Variants in PTPN3 observed in about 807,000 individuals in gnomAD.
The protein encoded by PTPN3 is tyrosine-protein phosphatase non-receptor type 3.
Under a neutral mutation model 132.7 loss-of-function variants are expected in PTPN3, and 96 were observed. The ratio of observed to expected loss-of-function variants is 0.72; its 90% CI spans 0.61 to 0.86. The LOEUF is 0.86. Among genes scored for constraint, PTPN3 ranks in the 40% least tolerant of loss-of-function variants. The probability of loss-of-function intolerance (pLI) is 0.00; values close to 1 mark genes in which losing one functional copy is unlikely to be tolerated. For synonymous variants in PTPN3, 398 were observed against 429.0 expected (o/e 0.93, Z 0.89); for missense variants, 1,125 against 1,159.6 (o/e 0.97, Z 0.43).
At chr9:109,532,125 C>A in the PTPN3 span, among the ~76,000 whole-genome samples, 2 of 152,258 alleles carry the variant, frequency 1.3e-5, no homozygotes, top group South Asian at 2.1e-4. Context: ...ACCAAATGTT[C>A]CGATCTTAGC....
In PTPN3 at chr9:109,383,429, G is replaced by A. The variant is rs536407222; in HGVS notation, c.2376C>T (p.Asn792=). ...CCCTCAGGCTGCGGCTCACCTGGGT[G>A]TTTGTGACCAGCATTTCTCGGGACA... ...AYVSREMLVT[N]TQTGEEHTVT... is the part of the protein sequence containing the mutation. The change falls in exon 23 of 26, where the codon AAC becomes AAT. Residue 792 remains asparagine (N), a synonymous_variant. Coordinates refer to ENST00000374541, the MANE Select transcript of PTPN3 (RefSeq NM_002829.4). 4 of 1,613,966 alleles carry A rather than the reference G, an allele frequency of 2.5e-6. No individual in the cohort carries two copies. In the Admixed American group the frequency reaches 6.7e-5, roughly 27 times the overall value.
chr9:109,406,581 T>A lies in PTPN3; in HGVS notation c.1673A>T (p.Gln558Leu). Residue 558 changes from glutamine (Q) to leucine (L), a missense_variant, in exon 18 of 26, where the codon CAA becomes CTA. Gln to Leu is a moderately radical substitution (Grantham distance 113). Coordinates refer to ENST00000374541, the MANE Select transcript of PTPN3 (RefSeq NM_002829.4). ...TCIPKLNEGD[Q>L]IVLINGRDIS... ...GTCCCGGCCATTGATTAACACGATT[T>A]GATCCCCTTCGTTCAGCTTAGGAAT... 2 of 1,614,196 alleles carry A rather than the reference T, an allele frequency of 1.2e-6. No homozygotes were observed. Among genetic ancestry groups the A allele is most frequent in the Non-Finnish European group, 1.7e-6 (2 of 1,180,026 alleles).
At chr9:109,448,388 A>G (rs1432040693) in intron 6 of PTPN3, among the ~76,000 whole-genome samples, 2 of 152,186 alleles carry the variant, frequency 1.3e-5, no homozygotes, top group Admixed American at 1.3e-4. Context: ...TGGTAACACA[A>G]GAAGCACTGA....
intron 19 of PTPN3, among the ~76,000 whole-genome samples, chr9:109,400,054 A>C (rs1478224584): frequency 6.6e-6 from 1 of 151,316 alleles, no homozygotes; most frequent in African/African-American, 2.4e-5. Context: ...CAATCTCCCG[A>C]GTAGCTGGGA....
intron 1 of PTPN3, among the ~76,000 whole-genome samples, chr9:109,474,834 C>T (rs1426355925): frequency 6.6e-6 from 1 of 152,088 alleles, no homozygotes; most frequent in Non-Finnish European, 1.5e-5. Flanking sequence ...GTGGGGGGAC[C>T]TCAGCTTCAT....
At chr9:109,408,925 C>CCCTGTGAGCGCATCTGG (rs1024305342) in intron 16 of PTPN3, among the ~76,000 whole-genome samples, 3 of 150,248 alleles carry the variant, frequency 2.0e-5, no homozygotes, top group African/African-American at 4.9e-5. Flanking sequence ...AGGGGGCACA[C>CCCTGTGAGCGCATCTGG]CCTGTGAGCG....
chr9:109,436,224 T>C (rs1844039666), intron 9 of PTPN3, among the ~76,000 whole-genome samples: 1 of 152,236 alleles, frequency 6.6e-6, no homozygotes, highest in Non-Finnish European at 1.5e-5. Context: ...AGATGCTAAT[T>C]AGACAGTGAG....
At chr9:109,403,302 T>G (rs753073611) in intron 19 of PTPN3, among the ~76,000 whole-genome samples, 1 of 152,262 alleles carries the variant, frequency 6.6e-6, no homozygotes, top group Non-Finnish European at 1.5e-5. Context: ...TCAATTACTC[T>G]GCAGTCACAC....
chr9:109,500,151 T>C (rs1237152581), upstream of PTPN3, among the ~76,000 whole-genome samples: 3 of 152,190 alleles, frequency 2.0e-5, no homozygotes, highest in African/African-American at 7.2e-5. Context: ...TTGAGTGAAA[T>C]AAGGAACGTG....
chr9:109,484,087 C>T (rs748032826), intron 1 of PTPN3, among the ~76,000 whole-genome samples: 4 of 152,214 alleles, frequency 2.6e-5, no homozygotes, highest in Admixed American at 6.5e-5. Context: ...TTGACATCTA[C>T]GCAGTGAACT....
At chr9:109,443,835 G>A (rs565853957) in intron 7 of PTPN3, among the ~76,000 whole-genome samples, 8 of 152,292 alleles carry the variant, frequency 5.3e-5, no homozygotes, top group South Asian at 2.1e-4. Context: ...TGCAGGTATC[G>A]ATGGAGAGAC....
At chr9:109,469,575 C>T (rs1002532775) in intron 1 of PTPN3, among the ~76,000 whole-genome samples, 11 of 152,172 alleles carry the variant, frequency 7.2e-5, no homozygotes, top group Admixed American at 4.6e-4. Context: ...GCCAAGATCG[C>T]GCCATTGCAC....
Position 109,410,521 on chromosome 9 carries a change from G to A in PTPN3, c.1314-106C>T, listed in dbSNP as rs1842000921. The A allele has an allele frequency of 2.4e-6, 3 of 1,264,038 alleles. No homozygotes were observed. The Admixed American group carries it at 6.4e-5, about 27-fold the overall frequency. 78.3% of individuals were successfully genotyped at this position (1,264,038 alleles called of 1,614,324 possible). On this transcript the variant is annotated intron_variant, in intron 14 of 25. Transcript: ENST00000374541. ...GCAGCTGGGGGCTGTATGTTTCCCT[G>A]GAACCTCAGCTGCATAGGTTGTCAG...
At chr9:109,471,875 G>A (rs745357796) in intron 1 of PTPN3, among the ~76,000 whole-genome samples, 1 of 152,084 alleles carries the variant, frequency 6.6e-6, no homozygotes. Context: ...AGAGCCACAC[G>A]GTGGAAAATC....
Position 109,408,350 on chromosome 9 carries a change from C to T in PTPN3, c.1606G>A (p.Val536Met), listed in dbSNP as rs183458658. 3.3e-5 allele frequency: 53 copies of T among 1,585,102 alleles called. No homozygotes were observed. In the Admixed American group the frequency reaches 5.5e-4, roughly 16 times the overall value. The change falls in exon 17 of 26, where the codon GTG (valine) becomes ATG (methionine). Residue 536 changes from valine (V) to methionine (M), a missense_variant. By Grantham distance (21) the Val-to-Met change is conservative (BLOSUM62 1). Transcript: ENST00000374541. ...KGGVDQKMPL[V>M]VSRINPESPA... ...GACTCTGGGTTTATCCTTGATACCA[C>T]AAGAGGCATCTTTTGATCCACTCCT...
the PTPN3 span, among the ~76,000 whole-genome samples, chr9:109,508,790 T>A: frequency 6.6e-6 from 1 of 152,212 alleles, no homozygotes. Context: ...ATAACTAATC[T>A]GTGATTGGAT....
At chr9:109,389,479 G>C in intron 21 of PTPN3, 100 bp from the exon 22 acceptor site, 8 of 1,218,594 alleles carry the variant, frequency 6.6e-6, no homozygotes, top group Non-Finnish European at 8.9e-6. Flanking sequence ...TATTGCACCA[G>C]AAAAATTATC....
chr9:109,392,583 A>G (rs1840218409), intron 19 of PTPN3: 2 of 152,196 alleles, frequency 1.3e-5, no homozygotes, highest in African/African-American at 2.4e-5. Flanking sequence ...GCAAAAAATG[A>G]GATTGAACAA....
the PTPN3 span, among the ~76,000 whole-genome samples, chr9:109,508,586 G>A: frequency 6.6e-6 from 1 of 152,190 alleles, no homozygotes; most frequent in Admixed American, 6.5e-5. Flanking sequence ...AGCAAGATAT[G>A]TGAAGGGCTA....
Sources: allele counts gnomAD v4.1 joint callset (sites outside exome capture counted in the v4.1 genomes callset), GRCh38; gene constraint gnomAD v4.1.1; transcripts MANE v1.5; gene names NCBI Gene and HGNC (gene_info 2026-07-23, HGNC 2026-07-21).